Variants in KHDRBS2 observed in about 807,000 individuals in gnomAD.
KHDRBS2 encodes KH domain-containing, RNA-binding, signal transduction-associated protein 2.
A neutral mutation model predicts 44.3 loss-of-function variants in KHDRBS2; 26 were observed. The ratio of observed to expected loss-of-function variants is 0.59; its 90% CI spans 0.43 to 0.81. The LOEUF (loss-of-function observed/expected upper bound fraction) is 0.81. Among genes scored for constraint, KHDRBS2 ranks in the 40% least tolerant of loss-of-function variants. The probability of loss-of-function intolerance (pLI) is 0.00; values close to 1 mark genes in which losing one functional copy is unlikely to be tolerated. For synonymous variants in KHDRBS2, 194 were observed against 151.1 expected, an observed-to-expected ratio of 1.28 and a Z score of -2.08; for missense variants, 476 against 433.1, an observed-to-expected ratio of 1.10 and a Z score of -0.88.
the KHDRBS2 span, among the ~76,000 whole-genome samples, chr6:61,546,284 A>C: frequency 6.6e-6 from 1 of 151,944 alleles, no homozygotes; most frequent in Admixed American, 6.6e-5. Context: ...TATTTATGAA[A>C]TAGAATGTAA....
intron 2 of KHDRBS2, among the ~76,000 whole-genome samples, chr6:62,138,040 C>G (rs1193236355): frequency 2.6e-5 from 4 of 152,136 alleles, no homozygotes; most frequent in African/African-American, 9.7e-5. Flanking sequence ...TTGCCTAGGA[C>G]CCCAGCTGAA....
intron 2 of KHDRBS2, among the ~76,000 whole-genome samples, chr6:62,070,271 C>T (rs577355647): frequency 6.7e-6 from 1 of 150,156 alleles, no homozygotes; most frequent in Non-Finnish European, 1.5e-5. Context: ...CTTTTTCTGT[C>T]TTTGTCTGGT....
At chr6:62,269,489 C>T (rs912855963) in intron 1 of KHDRBS2, among the ~76,000 whole-genome samples, 13 of 152,102 alleles carry the variant, frequency 8.5e-5, no homozygotes, top group African/African-American at 2.9e-4. Context: ...AAAGCATGCT[C>T]TTCAATATTA....
intron 6 of KHDRBS2, among the ~76,000 whole-genome samples, chr6:61,835,710 C>CAT (rs1554229897): frequency 2.1e-4 from 30 of 145,478 alleles, no homozygotes; most frequent in Non-Finnish European, 3.0e-4. Flanking sequence ...TTGATGTGTG[C>CAT]GTGTGTGTGT....
the KHDRBS2 span, among the ~76,000 whole-genome samples, chr6:61,669,204 T>C: frequency 2.0e-5 from 3 of 151,028 alleles, no homozygotes; most frequent in Non-Finnish European, 4.5e-5. Context: ...AGAAAATAAA[T>C]GAAATAATTC....
At chr6:61,768,518 G>T (rs1172154959) in intron 6 of KHDRBS2, among the ~76,000 whole-genome samples, 1 of 151,886 alleles carries the variant, frequency 6.6e-6, no homozygotes, top group African/African-American at 2.4e-5. Context: ...CTATTTTCTA[G>T]ATCTTGTATG....
At chr6:62,272,572 C>T (rs1840259873) in intron 1 of KHDRBS2, among the ~76,000 whole-genome samples, 2 of 152,052 alleles carry the variant, frequency 1.3e-5, no homozygotes, top group South Asian at 2.1e-4. Flanking sequence ...CTTCACTGAC[C>T]CCAATGGAGG....
Position 62,030,976 on chromosome 6 carries a change from C to T in KHDRBS2, c.336+16902G>A, listed in dbSNP as rs571576389. 1.7e-4 allele frequency among the ~76,000 whole-genome samples: 26 copies of T among 152,054 alleles called. 1 individual carries two copies. Among genetic ancestry groups the T allele is most frequent in the Non-Finnish European group, 7.4e-5 (5 of 67,992 alleles). ...GTGACATAAAACAATGAACTACTGA[C>T]ATACACAACAACAGGGATGACCCTC... On this transcript the variant is annotated intron_variant, in intron 3 of 8. Coordinates refer to ENST00000281156, the MANE Select transcript of KHDRBS2 (RefSeq NM_152688.4).
At position 61,848,552 on chromosome 6, in the gene KHDRBS2, CAT is replaced by C. The variant is rs1223042685; in HGVS notation, c.810+46081_810+46082del. On this transcript the variant is annotated intron_variant, in intron 6 of 8. Transcript: ENST00000281156. ...ATATACATATATATGTATATATATA[CAT>C]ATATATATGTATATATATATACATA... 3.6e-3 allele frequency among the ~76,000 whole-genome samples: 134 copies of C among 37,238 alleles called. 11 individuals carry two copies. The highest frequency in any genetic ancestry group is 0.01 in the African/African-American group (94 of 9,016). The allele number at this position is 37,238 out of a possible 152,430, so 24.4% of individuals were successfully genotyped here.
At chr6:61,703,267 T>C in intron 7 of KHDRBS2, among the ~76,000 whole-genome samples, 1 of 151,524 alleles carries the variant, frequency 6.6e-6, no homozygotes, top group South Asian at 2.1e-4. Flanking sequence ...CTTTTGCCAG[T>C]CAATGTCACA....
chr6:62,138,312 T>C (rs1421208999), intron 2 of KHDRBS2, among the ~76,000 whole-genome samples: 1 of 152,224 alleles, frequency 6.6e-6, no homozygotes, highest in Middle Eastern at 3.2e-3. Flanking sequence ...ATTTTCTCTT[T>C]TGACTAATCA....
intron 6 of KHDRBS2, among the ~76,000 whole-genome samples, chr6:61,889,646 C>T (rs1801511874): frequency 6.6e-6 from 1 of 152,146 alleles, no homozygotes; most frequent in South Asian, 2.1e-4. Flanking sequence ...CTTGTTTCCA[C>T]TTTTGTGCCT....
chr6:62,171,709 A>C (rs1820046979), intron 2 of KHDRBS2, among the ~76,000 whole-genome samples: 1 of 152,190 alleles, frequency 6.6e-6, no homozygotes, highest in African/African-American at 2.4e-5. Flanking sequence ...AGGAAACCCG[A>C]TCTGGCTAAC....
the KHDRBS2 span, among the ~76,000 whole-genome samples, chr6:61,661,609 T>C: frequency 1.3e-5 from 2 of 151,912 alleles, no homozygotes; most frequent in Non-Finnish European, 2.9e-5. Flanking sequence ...GATCAGTCTC[T>C]CCTGAGAGGT....
chr6:61,905,730 G>A (rs2127346825), intron 4 of KHDRBS2, among the ~76,000 whole-genome samples: 2 of 151,596 alleles, frequency 1.3e-5, no homozygotes, highest in East Asian at 3.9e-4. Context: ...ATCATTAAAT[G>A]TTAAATTACC....
intron 7 of KHDRBS2, among the ~76,000 whole-genome samples, chr6:61,722,186 T>C (rs1236813532): frequency 6.6e-6 from 1 of 152,186 alleles, no homozygotes. Flanking sequence ...TTTGCCATTA[T>C]TTTATTGAGG....
At chr6:62,025,645 T>C (rs1207562745) in intron 3 of KHDRBS2, among the ~76,000 whole-genome samples, 1 of 151,890 alleles carries the variant, frequency 6.6e-6, no homozygotes, top group African/African-American at 2.4e-5. Flanking sequence ...TTTTTAATAC[T>C]TTTTTTGGTA....
chr6:61,958,472 T>C (rs781477322), intron 4 of KHDRBS2, among the ~76,000 whole-genome samples: 11 of 152,218 alleles, frequency 7.2e-5, no homozygotes, highest in Non-Finnish European at 1.2e-4. Flanking sequence ...CATTCATTTG[T>C]GATTGTAAAA....
At chr6:62,130,819 C>T (rs1230510292) in intron 2 of KHDRBS2, among the ~76,000 whole-genome samples, 3 of 151,858 alleles carry the variant, frequency 2.0e-5, no homozygotes, top group Non-Finnish European at 4.4e-5. Flanking sequence ...ATAATAGTGT[C>T]AAATATCTCA....
Sources: allele counts gnomAD v4.1 joint callset (sites outside exome capture counted in the v4.1 genomes callset), GRCh38; gene constraint gnomAD v4.1.1; transcripts MANE v1.5; gene names NCBI Gene and HGNC (gene_info 2026-07-23, HGNC 2026-07-21).